The following APPL2 variants were observed in gnomAD, a reference collection of about 807,000 sequenced individuals.
APPL2 encodes DCC-interacting protein 13-beta.
APPL2 carries 84 observed loss-of-function variants against 92.7 expected under a neutral mutation model. The ratio of observed to expected loss-of-function variants is 0.91; its 90% CI spans 0.76 to 1.09. The LOEUF (loss-of-function observed/expected upper bound fraction) is 1.09, where lower values mean the gene tolerates loss of function less well. APPL2 is among the 50% of genes least tolerant of loss of function. The pLI is 0.00. For synonymous variants in APPL2, 291 were observed against 291.0 expected, an observed-to-expected ratio of 1.00 and a Z score of 0.00; for missense variants, 736 against 824.5, an observed-to-expected ratio of 0.89 and a Z score of 1.31.
At chr12:105,207,398 T>C (rs991898661) in intron 7 of APPL2, among the ~76,000 whole-genome samples, 191 bp from the exon 8 acceptor site, 41 of 152,236 alleles carry the variant, frequency 2.7e-4, no homozygotes, top group African/African-American at 9.4e-4. Flanking sequence ...AGCATCTCAG[T>C]GCTTGTGAGG....
chr12:105,216,928 A>C, intron 4 of APPL2, 141 bp downstream of exon 4: 2 of 610,466 alleles, frequency 3.3e-6, no homozygotes, highest in South Asian at 4.3e-5. Context: ...TCTCCTAGGA[A>C]AGGAGCTTTG....
At chr12:105,216,288 A>C (rs1321625651) in intron 4 of APPL2, among the ~76,000 whole-genome samples, 1 of 152,138 alleles carries the variant, frequency 6.6e-6, no homozygotes, top group Non-Finnish European at 1.5e-5. Context: ...CTTAGACAGG[A>C]GGATCCTTTG....
At chr12:105,185,058 AG>A (rs1886476914) in intron 17 of APPL2, among the ~76,000 whole-genome samples, 2 of 152,128 alleles carry the variant, frequency 1.3e-5, no homozygotes, top group African/African-American at 4.8e-5. Flanking sequence ...TTACACTCTA[AG>A]GGGAAAACCA....
intron 18 of APPL2, 94 bp downstream of exon 18, chr12:105,177,132 A>G (rs1885622852): frequency 1.9e-6 from 3 of 1,594,318 alleles, no homozygotes; most frequent in African/African-American, 2.7e-5. Context: ...TTAGTGGCAG[A>G]TCTTTATTAA....
At chr12:105,213,786 C>G (rs1297065426) in intron 4 of APPL2, among the ~76,000 whole-genome samples, 4 of 152,210 alleles carry the variant, frequency 2.6e-5, no homozygotes, top group Non-Finnish European at 5.9e-5. Context: ...GATTTAGGCC[C>G]CACCTGGGCT....
intron 2 of APPL2, among the ~76,000 whole-genome samples, chr12:105,228,701 T>C (rs939454826): frequency 6.6e-6 from 1 of 152,220 alleles, no homozygotes; most frequent in Non-Finnish European, 1.5e-5. Flanking sequence ...TTCAGAACTG[T>C]GACTCAAGTC....
At chr12:105,210,424 A>G (rs906772435) in intron 5 of APPL2, among the ~76,000 whole-genome samples, 5 of 152,222 alleles carry the variant, frequency 3.3e-5, no homozygotes, top group African/African-American at 4.8e-5. Flanking sequence ...CAACTTGTTT[A>G]TATCAGTGTT....
At chr12:105,217,599 C>G in intron 3 of APPL2, 67 bp downstream of exon 3, 2 of 1,502,514 alleles carry the variant, frequency 1.3e-6, no homozygotes, top group Non-Finnish European at 9.2e-7. Context: ...AAGGATGCCT[C>G]TGGATAATTC....
intron 11 of APPL2, 145 bp downstream of exon 11, chr12:105,197,620 A>G: frequency 9.9e-7 from 1 of 1,007,192 alleles, no homozygotes; most frequent in South Asian, 1.6e-5. Context: ...AAGAGAGCAG[A>G]AAATCATCCT....
At chr12:105,222,295 G>C (rs1336544080) in intron 2 of APPL2, among the ~76,000 whole-genome samples, 2 of 152,192 alleles carry the variant, frequency 1.3e-5, no homozygotes, top group African/African-American at 2.4e-5. Flanking sequence ...AGGAGTGGTG[G>C]TGGTGGGAAG....
At chr12:105,222,670 T>C (rs952916911) in intron 2 of APPL2, among the ~76,000 whole-genome samples, 61 of 152,086 alleles carry the variant, frequency 4.0e-4, no homozygotes, top group Non-Finnish European at 7.9e-4. Flanking sequence ...TACCAAACAC[T>C]GAATGGGGCC....
chr12:105,229,721 GTAGGAGTGTGTCA>G, intron 1 of APPL2: 1 of 986,650 alleles, frequency 1.0e-6, no homozygotes, highest in Non-Finnish European at 1.2e-6. Context: ...TTGCAGGAGT[GTAGGAGTGTGTCA>G]TTCTTTCCTC....
At chr12:105,175,008 C>T (rs556660078) in intron 20 of APPL2, among the ~76,000 whole-genome samples, 2 of 152,156 alleles carry the variant, frequency 1.3e-5, no homozygotes, top group East Asian at 3.9e-4. Context: ...CTCAGTCTCC[C>T]GAGTAGCTGG....
In APPL2 at chr12:105,195,425, T is replaced by C; in HGVS notation, c.1152+20A>G. 1.9e-6 allele frequency: 3 copies of C among 1,614,178 alleles called. No homozygotes were observed. The highest frequency in any genetic ancestry group is 1.3e-5 in the African/African-American group (1 of 75,054). Reference sequence around the variant, plus strand: ...TTCCAGGTTGAGAAAAGGGCTGAGATGCCGGTGGCTGATAATTACCTCAGG... The same window carrying C: ...TTCCAGGTTGAGAAAAGGGCTGAGACGCCGGTGGCTGATAATTACCTCAGG... On this transcript the variant is annotated intron_variant, in intron 13 of 20. Transcript: ENST00000258530.
At chr12:105,221,080 C>G (rs919892024) in intron 2 of APPL2, among the ~76,000 whole-genome samples, 11 of 152,220 alleles carry the variant, frequency 7.2e-5, no homozygotes, top group African/African-American at 2.7e-4. Context: ...AAGAGATCAA[C>G]TTTAATCTTA....
chr12:105,211,260 T>G lies in APPL2; in HGVS notation c.343A>C (p.Ile115Leu). Residue 115 changes from isoleucine (I) to leucine (L), a missense_variant, in exon 5 of 21, where the codon ATC (isoleucine) becomes CTC (leucine). By Grantham distance (5) the Ile-to-Leu change is conservative. Transcript: ENST00000258530. ...KQLADTMVLP[I>L]IQFREKDLTE... The stretch of plus-strand genomic sequence containing the variant: ...AGATCCTTTTCTCGGAATTGTATGA[T>G]AGGTAGAACCATTGTGTCTGCCAAC... The G allele has an allele frequency of 1.2e-6, 2 of 1,613,976 alleles. No individual in the cohort carries two copies. The highest frequency in any genetic ancestry group is 1.7e-6 in the Non-Finnish European group (2 of 1,179,812).
intron 5 of APPL2, among the ~76,000 whole-genome samples, chr12:105,208,707 T>C (rs960095884): frequency 4.6e-5 from 7 of 152,152 alleles, no homozygotes; most frequent in Admixed American, 4.6e-4. Flanking sequence ...TAGCATACTG[T>C]AGTTGCGACA....
In APPL2 at chr12:105,212,741, T is replaced by C. The variant is rs114360057; in HGVS notation, c.286-1424A>G. On this transcript the variant is annotated intron_variant, in intron 4 of 20. Coordinates refer to ENST00000258530, the MANE Select transcript of APPL2 (RefSeq NM_018171.5). ...CATGTGGCAAAGTTTCTTTTAGCAG[T>C]GCTGGCAGTCACGCATATTCATCAA... is the stretch of plus-strand genomic sequence containing the variant. Among the ~76,000 whole-genome samples, 229 of 152,370 alleles carry C rather than the reference T, an allele frequency of 1.5e-3. 1 individual carries two copies. Among genetic ancestry groups the C allele is most frequent in the African/African-American group, 5.1e-3 (213 of 41,592 alleles).
At chr12:105,191,190 A>G (rs961807205) in intron 14 of APPL2, among the ~76,000 whole-genome samples, 67 of 152,308 alleles carry the variant, frequency 4.4e-4, no homozygotes, top group African/African-American at 1.5e-3. Flanking sequence ...GTAGATGGTC[A>G]CTGCAAGGCA....
Sources: allele counts gnomAD v4.1 joint callset (sites outside exome capture counted in the v4.1 genomes callset), GRCh38; gene constraint gnomAD v4.1.1; transcripts MANE v1.5; gene names NCBI Gene and HGNC (gene_info 2026-07-23, HGNC 2026-07-21).